The following TBC1D5 variants were observed in gnomAD, a reference collection of about 807,000 sequenced individuals.
The protein encoded by TBC1D5 is TBC1 domain family, member 5.
Under a neutral mutation model 100.3 loss-of-function variants are expected in TBC1D5, and 75 were observed. That is an observed-to-expected ratio of 0.75 (90% CI 0.62 to 0.91). The LOEUF (loss-of-function observed/expected upper bound fraction) is 0.91. Among genes scored for constraint, TBC1D5 ranks in the 40% least tolerant of loss-of-function variants. The pLI is 0.00. For synonymous variants in TBC1D5, 323 were observed against 325.6 expected (o/e 0.99, Z 0.09); for missense variants, 910 against 942.4 (o/e 0.97, Z 0.45).
In TBC1D5 at chr3:17,161,208, A is replaced by G. The variant is rs754665831; in HGVS notation, c.2143T>C (p.Phe715Leu). The G allele has an allele frequency of 4.3e-6, 7 of 1,614,172 alleles. No homozygotes were observed. The Admixed American group carries it at 1.0e-4, about 23-fold the overall frequency. Residue 715 changes from phenylalanine (F) to leucine (L), a missense_variant, in exon 22 of 22, where the codon TTC (phenylalanine) becomes CTC (leucine). By Grantham distance (22) the Phe-to-Leu change is conservative. Transcript: ENST00000253692. ...TCATCATCTTTGGAAATCAGGATGA[A>G]GTCATCGGAATTCCCTCTATCAGTG...
chr3:17,619,001 C>T (rs1165573953), intron 2 of TBC1D5, among the ~76,000 whole-genome samples: 1 of 152,192 alleles, frequency 6.6e-6, no homozygotes, highest in Non-Finnish European at 1.5e-5. Flanking sequence ...CTTGGAGCTG[C>T]AGACCGGAGC....
At chr3:17,185,120 T>C in exon 19 of TBC1D5, 7 of 1,612,098 alleles carry the variant, frequency 4.3e-6, no homozygotes, top group Non-Finnish European at 5.9e-6. Flanking sequence ...AAGATGAGTG[T>C]CCATCACCTT....
chr3:17,596,937 T>C (rs1051028134), intron 2 of TBC1D5, among the ~76,000 whole-genome samples: 6 of 152,168 alleles, frequency 3.9e-5, no homozygotes, highest in Admixed American at 1.3e-4. Context: ...ACCTGATCTA[T>C]TGGCACACTA....
chr3:17,384,333 T>TAAAC (rs2093066850), intron 8 of TBC1D5, among the ~76,000 whole-genome samples: 1 of 152,072 alleles, frequency 6.6e-6, no homozygotes, highest in South Asian at 2.1e-4. Context: ...TGCTTTGTTT[T>TAAAC]AGCCCACTGG....
chr3:17,300,449 T>C (rs1383615221), intron 14 of TBC1D5, among the ~76,000 whole-genome samples: 3 of 151,972 alleles, frequency 2.0e-5, no homozygotes, highest in Non-Finnish European at 4.4e-5. Context: ...AATAGAGAAA[T>C]AGAAATTCTG....
At chr3:17,376,298 G>A (rs1409373094) in intron 10 of TBC1D5, among the ~76,000 whole-genome samples, 2 of 152,000 alleles carry the variant, frequency 1.3e-5, no homozygotes, top group Admixed American at 6.6e-5. Context: ...CTTTGATACA[G>A]AATCAAGAAT....
At chr3:17,442,160 C>G (rs1487960875) in intron 3 of TBC1D5, among the ~76,000 whole-genome samples, 1 of 152,100 alleles carries the variant, frequency 6.6e-6, no homozygotes, top group East Asian at 1.9e-4. Flanking sequence ...CCAAAAGAAT[C>G]CCATTTTTCA....
intron 13 of TBC1D5, among the ~76,000 whole-genome samples, chr3:17,352,349 T>C (rs887285009): frequency 6.6e-6 from 1 of 152,078 alleles, no homozygotes; most frequent in African/African-American, 2.4e-5. Context: ...ATTAATGATA[T>C]GTCAAATGTT....
At chr3:17,443,861 C>A (rs781580151) in intron 3 of TBC1D5, among the ~76,000 whole-genome samples, 1 of 152,110 alleles carries the variant, frequency 6.6e-6, no homozygotes, top group East Asian at 1.9e-4. Context: ...TATATACAAT[C>A]TGAAGAACAA....
chr3:17,188,338 A>G (rs544426437), intron 18 of TBC1D5, among the ~76,000 whole-genome samples: 1 of 152,326 alleles, frequency 6.6e-6, no homozygotes, highest in African/African-American at 2.4e-5. Context: ...GTGCATCTTG[A>G]ATACCTAAAA....
intron 20 of TBC1D5, among the ~76,000 whole-genome samples, chr3:17,167,289 C>A (rs1471386715): frequency 1.3e-5 from 2 of 152,150 alleles, no homozygotes; most frequent in Non-Finnish European, 2.9e-5. Flanking sequence ...CTGTTCACAG[C>A]ATAGGTAGGC....
At chr3:17,665,157 A>C (rs1466475988) in intron 1 of TBC1D5, 1 of 151,348 alleles carries the variant, frequency 6.6e-6, no homozygotes, top group East Asian at 1.9e-4. Flanking sequence ...TGCAACTCTT[A>C]AACTACAGAA....
intron 17 of TBC1D5, among the ~76,000 whole-genome samples, chr3:17,223,543 T>C (rs2074512905): frequency 6.6e-6 from 1 of 152,148 alleles, no homozygotes; most frequent in South Asian, 2.1e-4. Flanking sequence ...CATCGTAAGT[T>C]AAACCCAGAT....
At chr3:17,562,571 A>G (rs949460047) in intron 2 of TBC1D5, among the ~76,000 whole-genome samples, 2 of 152,144 alleles carry the variant, frequency 1.3e-5, no homozygotes, top group African/African-American at 2.4e-5. Context: ...TCAAAACTTA[A>G]TATTTACTGT....
At chr3:17,421,361 G>A (rs1037289121) in intron 4 of TBC1D5, among the ~76,000 whole-genome samples, 1 of 152,054 alleles carries the variant, frequency 6.6e-6, no homozygotes, top group Non-Finnish European at 1.5e-5. Context: ...GATGCTTCTT[G>A]AACAAATCTA....
chr3:17,433,627 C>A (rs995321263), intron 3 of TBC1D5, among the ~76,000 whole-genome samples: 6 of 152,074 alleles, frequency 3.9e-5, no homozygotes, highest in Non-Finnish European at 8.8e-5. Flanking sequence ...TGGGTGGGGG[C>A]ACGGCCCAAC....
chr3:17,204,518 T>C (rs1314466281), intron 18 of TBC1D5, among the ~76,000 whole-genome samples: 5 of 152,290 alleles, frequency 3.3e-5, no homozygotes, highest in Admixed American at 2.6e-4. Context: ...CCCCAAACCA[T>C]TGTCTATGCC....
intron 13 of TBC1D5, among the ~76,000 whole-genome samples, chr3:17,343,712 A>C (rs2089390081): frequency 6.6e-6 from 1 of 152,106 alleles, no homozygotes; most frequent in African/African-American, 2.4e-5. Context: ...GTATGTGTTG[A>C]GGAATTTATC....
intron 9 of TBC1D5, among the ~76,000 whole-genome samples, 155 bp from the exon 10 acceptor site, chr3:17,376,768 G>A (rs890622650): frequency 6.6e-6 from 1 of 152,076 alleles, no homozygotes; most frequent in Admixed American, 6.6e-5. Context: ...TACAAGATGA[G>A]ATTTTTATCT....
Sources: gnomAD v4.1 joint callset for allele counts (sites outside exome capture counted in the v4.1 genomes callset) on GRCh38, gnomAD v4.1.1 for gene constraint, MANE v1.5 for transcripts, NCBI Gene and HGNC (gene_info 2026-07-23, HGNC 2026-07-21) for gene names.